Variants in ANXA8 observed in about 807,000 individuals in gnomAD.
The protein encoded by ANXA8 is annexin A8.
In ANXA8, 9 loss-of-function variants were observed where a neutral mutation model predicts 26.8. The observed-to-expected ratio is 0.34, with a 90% CI of 0.20 to 0.59. The LOEUF (loss-of-function observed/expected upper bound fraction) is 0.59, where lower values mean the gene tolerates loss of function less well. ANXA8 is among the 20% of genes least tolerant of loss of function. The probability of loss-of-function intolerance (pLI) is 0.84; values close to 1 mark genes in which losing one functional copy is unlikely to be tolerated. For synonymous variants in ANXA8, 39 were observed against 94.8 expected (o/e 0.41, Z 3.42); for missense variants, 83 against 238.5 (o/e 0.35, Z 4.29).
the ANXA8 span, among the ~76,000 whole-genome samples, chr10:47,648,375 A>G: frequency 6.6e-6 from 1 of 150,822 alleles, no homozygotes; most frequent in Non-Finnish European, 1.5e-5. Flanking sequence ...TTTTTTACCT[A>G]ATTTTTAATC....
chr10:47,588,740 G>T, the ANXA8 span: 1 of 145,666 alleles, frequency 6.9e-6, no homozygotes, highest in Non-Finnish European at 1.5e-5. Flanking sequence ...TTCTTACAGA[G>T]GTCTTGGTTA....
At chr10:47,588,415 C>A in the ANXA8 span, among the ~76,000 whole-genome samples, 3 of 134,782 alleles carry the variant, frequency 2.2e-5, no homozygotes, top group Admixed American at 7.1e-5. Context: ...AGAACTGGAG[C>A]CTTTCTTAAC....
the ANXA8 span, among the ~76,000 whole-genome samples, chr10:47,500,996 C>G: frequency 7.1e-6 from 1 of 140,804 alleles, no homozygotes. Flanking sequence ...TGGGTTCACG[C>G]CATTCTCCTG....
chr10:47,951,015 A>G, the ANXA8 span, among the ~76,000 whole-genome samples: 1 of 150,830 alleles, frequency 6.6e-6, no homozygotes, highest in African/African-American at 2.5e-5. Flanking sequence ...AAAGTCAATA[A>G]GATAAAAAGT....
At chr10:47,502,469 G>T in the ANXA8 span, 7 of 1,612,944 alleles carry the variant, frequency 4.3e-6, no homozygotes, top group Admixed American at 1.2e-4. Flanking sequence ...TTTATTGAGG[G>T]TTTTGTCTGC....
chr10:47,682,751 T>C, the ANXA8 span, among the ~76,000 whole-genome samples: 1 of 152,048 alleles, frequency 6.6e-6, no homozygotes, highest in East Asian at 1.9e-4. Flanking sequence ...ATTACAGGCA[T>C]GACCCACTGC....
At chr10:47,595,170 C>T in the ANXA8 span, among the ~76,000 whole-genome samples, 1 of 148,252 alleles carries the variant, frequency 6.7e-6, no homozygotes. Context: ...CAAAACTAAG[C>T]TTCATAAACG....
the ANXA8 span, among the ~76,000 whole-genome samples, chr10:47,733,175 T>TTCTTTCTCTCTCTCTCTCTC: frequency 1.1e-5 from 1 of 93,270 alleles, no homozygotes; most frequent in African/African-American, 3.2e-5. Context: ...CTTTCTTTCT[T>TTCTTTCTCTCTCTCTCTCTC]TCTTTCTTTC....
chr10:47,721,609 G>A, the ANXA8 span, among the ~76,000 whole-genome samples: 4 of 128,398 alleles, frequency 3.1e-5, no homozygotes, highest in South Asian at 2.4e-4. Context: ...TCAGCTCATC[G>A]CAACCTCTGC....
the ANXA8 span, among the ~76,000 whole-genome samples, chr10:47,750,263 TATG>T: frequency 6.7e-6 from 1 of 149,142 alleles, no homozygotes; most frequent in East Asian, 2.0e-4. Context: ...GCAAGAACAT[TATG>T]ATAAGAATAT....
At chr10:47,497,146 C>A in the ANXA8 span, among the ~76,000 whole-genome samples, 1 of 147,444 alleles carries the variant, frequency 6.8e-6, no homozygotes, top group African/African-American at 2.6e-5. Flanking sequence ...CATGGAGAAA[C>A]CCCATACCTA....
At chr10:47,775,948 A>G in the ANXA8 span, among the ~76,000 whole-genome samples, 144,983 of 150,772 alleles carry the variant, frequency 0.96, 69,879 homozygotes, top group East Asian at 1. Context: ...GGGCAGGAGC[A>G]AGACAGCCAG....
At chr10:47,497,829 C>T in the ANXA8 span, among the ~76,000 whole-genome samples, 2 of 151,584 alleles carry the variant, frequency 1.3e-5, no homozygotes, top group African/African-American at 2.4e-5. Flanking sequence ...GTTCCAGCTA[C>T]TTGGGAGGCT....
the ANXA8 span, among the ~76,000 whole-genome samples, chr10:47,590,651 G>C: frequency 6.8e-6 from 1 of 146,128 alleles, no homozygotes; most frequent in Admixed American, 6.6e-5. Context: ...GTCTTCTAGA[G>C]ACCACTCTAG....
upstream of ANXA8, among the ~76,000 whole-genome samples, chr10:47,488,884 T>C (rs1840095329): frequency 6.8e-6 from 1 of 146,852 alleles, no homozygotes; most frequent in African/African-American, 2.5e-5. Flanking sequence ...CCCGCCACCG[T>C]GCCCAGCTAA....
At chr10:47,727,512 G>A in the ANXA8 span, among the ~76,000 whole-genome samples, 1 of 146,918 alleles carries the variant, frequency 6.8e-6, no homozygotes, top group Admixed American at 6.9e-5. Context: ...ATTTTGAGTT[G>A]AATGCTGAAC....
chr10:47,576,494 G>T, the ANXA8 span, among the ~76,000 whole-genome samples: 15 of 121,146 alleles, frequency 1.2e-4, no homozygotes, highest in Middle Eastern at 5.7e-3. Flanking sequence ...TCGCTCTGTC[G>T]TCCAGATTGG....
chr10:47,942,780 C>T, the ANXA8 span, among the ~76,000 whole-genome samples: 2,307 of 144,928 alleles, frequency 0.016, 367 homozygotes, highest in African/African-American at 0.059. Context: ...CAGGTGTTAT[C>T]GCTGTCGCTG....
the ANXA8 span, among the ~76,000 whole-genome samples, chr10:47,605,932 GA>G: frequency 0.027 from 2,560 of 94,986 alleles, 29 homozygotes; most frequent in Middle Eastern, 0.047. Context: ...AGTTTTAAAA[GA>G]AAAAAAAAAA....
Sources: allele counts gnomAD v4.1 joint callset (sites outside exome capture counted in the v4.1 genomes callset), GRCh38; gene constraint gnomAD v4.1.1; transcripts MANE v1.5; gene names NCBI Gene and HGNC (gene_info 2026-07-23, HGNC 2026-07-21).